ENG: variants seen among roughly 807,000 people sequenced by gnomAD.
ENG encodes the protein endoglin, also known as CD105 antigen.
ENG carries 17 observed loss-of-function variants against 71.0 expected under a neutral mutation model. That is an observed-to-expected ratio of 0.24 (90% CI 0.16 to 0.36). The LOEUF (loss-of-function observed/expected upper bound fraction) is 0.36. Ranked by LOEUF, ENG falls within the 10% of genes least tolerant of loss-of-function variation. The pLI, the probability that ENG is intolerant of heterozygous loss-of-function variation, is 1.00. For synonymous variants in ENG, 360 were observed against 366.9 expected (o/e 0.98, Z 0.21); for missense variants, 749 against 868.3 (o/e 0.86, Z 1.73).
chr9:127,841,680 G>A (rs773415044), intron 2 of ENG, among the ~76,000 whole-genome samples: 15 of 152,178 alleles, frequency 9.9e-5, no homozygotes, highest in Non-Finnish European at 1.6e-4. Flanking sequence ...AGTTTTGGGG[G>A]CAGATTGGCC....
At chr9:127,829,652 G>A (rs1381219682) in intron 3 of ENG, 35 bp downstream of exon 3, 1 of 1,613,156 alleles carries the variant, frequency 6.2e-7, no homozygotes, top group African/African-American at 1.3e-5. Context: ...CCCATGGCCA[G>A]AGCCTCAGCC....
At chr9:127,833,256 TTACGC>T in intron 2 of ENG, among the ~76,000 whole-genome samples, 1 of 152,146 alleles carries the variant, frequency 6.6e-6, no homozygotes, top group Non-Finnish European at 1.5e-5. Context: ...GCGTGGTGGC[TTACGC>T]CTGTAATCCC....
intron 2 of ENG, among the ~76,000 whole-genome samples, chr9:127,834,644 C>CAA (rs1830853305): frequency 6.6e-6 from 1 of 151,486 alleles, no homozygotes; most frequent in South Asian, 2.1e-4. Flanking sequence ...ACCTCATGAT[C>CAA]CCTACGCCTC....
chr9:127,851,503 C>T (rs543761108), intron 1 of ENG, among the ~76,000 whole-genome samples: 1 of 152,046 alleles, frequency 6.6e-6, no homozygotes, highest in African/African-American at 2.4e-5. Context: ...GGATTAGAGG[C>T]GTGAGCCACT....
intron 8 of ENG, among the ~76,000 whole-genome samples, chr9:127,821,947 G>A (rs1392436410): frequency 5.3e-5 from 8 of 151,134 alleles, no homozygotes; most frequent in African/African-American, 1.7e-4. Context: ...CTACTCAGGA[G>A]GCTGAGGCAG....
rs914218873 is a variant in ENG, at chr9:127,815,588, G to C, written c.*94C>G. 1 of 1,499,196 alleles carries C rather than the reference G, an allele frequency of 6.7e-7. No individual in the cohort carries two copies. Among genetic ancestry groups the C allele is most frequent in the South Asian group, 1.3e-5 (1 of 78,630 alleles). 92.9% of individuals were successfully genotyped at this position (1,499,196 alleles called of 1,614,324 possible). ...CGGAGAGCAGGCTCCATTCTGGGTCGAGTGGAGGACTGGCTCCCAGGGTGA... is the reference window on the plus strand; with the variant it reads ...CGGAGAGCAGGCTCCATTCTGGGTCCAGTGGAGGACTGGCTCCCAGGGTGA... On this transcript the variant is annotated 3_prime_UTR_variant, in exon 15 of 15. Transcript: ENST00000373203.
At chr9:127,823,390 C>CTTTT in intron 8 of ENG, among the ~76,000 whole-genome samples, 1 of 143,072 alleles carries the variant, frequency 7.0e-6, no homozygotes, top group Non-Finnish European at 1.5e-5. Context: ...ATTGTATAGG[C>CTTTT]TTTTTTTTTT....
rs1830956818 is a variant in ENG at position 127,838,566 on chromosome 9, G to A, written c.219+4528C>T. ...GCCTGACAGGCTGTGTCTGTTCAGG[G>A]GTGGGTGGGGTCTCAGCTGCCCCAA... On this transcript the variant is annotated intron_variant, in intron 2 of 14. Transcript: ENST00000373203. The surrounding 1 kb of genome is among the most constrained non-coding windows in gnomAD (Gnocchi z 4.3). Among the ~76,000 whole-genome samples, 1 of 152,190 alleles carries A rather than the reference G, an allele frequency of 6.6e-6. No individual in the cohort carries two copies. The highest frequency in any genetic ancestry group is 6.5e-5 in the Admixed American group (1 of 15,282).
In ENG at chr9:127,818,275, C is replaced by G. The variant is rs764626017; in HGVS notation, c.1531G>C (p.Ala511Pro). The G allele has an allele frequency of 6.2e-7, 1 of 1,614,166 alleles. No individual in the cohort carries two copies. Among genetic ancestry groups the G allele is most frequent in the East Asian group, 2.2e-5 (1 of 44,882 alleles). ...AGGCTCACACAGTTGCCCTTGGCCG[C>G]CCGGCCCTGGATGAGTTCCACGGTG... ...GGTVELIQGR[A>P]AKGNCVSLLS... The change falls in exon 12 of 15, where the codon GCG becomes CCG. Residue 511 changes from alanine to proline, a missense_variant. Coordinates refer to ENST00000373203, the MANE Select transcript of ENG (RefSeq NM_001114753.3).
chr9:127,820,226 TCTCA>T (rs1830438586), intron 8 of ENG, among the ~76,000 whole-genome samples, 189 bp from the exon 9 acceptor site: 1 of 152,008 alleles, frequency 6.6e-6, no homozygotes, highest in African/African-American at 2.4e-5. Flanking sequence ...TGAGATGGAG[TCTCA>T]CTCTTTTTGC....
chr9:127,823,534 G>A (rs1279738615), intron 8 of ENG, among the ~76,000 whole-genome samples: 3 of 151,728 alleles, frequency 2.0e-5, no homozygotes, highest in Admixed American at 6.6e-5. Flanking sequence ...GACTACAGGC[G>A]CCTGCCACCA....
intron 2 of ENG, among the ~76,000 whole-genome samples, chr9:127,830,437 G>T (rs141032768): frequency 0.028 from 4,216 of 151,592 alleles, 73 homozygotes; most frequent in Middle Eastern, 0.083. Context: ...GAGGTCAGGA[G>T]TTCGAGACTA....
At chr9:127,825,972 G>A in intron 4 of ENG, 112 bp from the exon 5 acceptor site, 1 of 1,391,654 alleles carries the variant, frequency 7.2e-7, no homozygotes, top group Middle Eastern at 2.3e-4. Flanking sequence ...CGGTGCTGCA[G>A]AGGGGGAGAG....
At chr9:127,823,936 C>T (rs1306849512) in intron 8 of ENG, among the ~76,000 whole-genome samples, 5 of 152,202 alleles carry the variant, frequency 3.3e-5, no homozygotes, top group African/African-American at 9.6e-5. Context: ...CCATCTTGGC[C>T]TCCCAAAGTG....
chr9:127,843,043 G>A, intron 2 of ENG, 51 bp downstream of exon 2: 1 of 1,612,470 alleles, frequency 6.2e-7, no homozygotes. Flanking sequence ...CACCCCATCT[G>A]CCTTGGAGCT....
In ENG at chr9:127,818,828, T is replaced by G. The variant is rs368533266; in HGVS notation, c.1316A>C (p.Lys439Thr). 8.6e-5 allele frequency: 138 copies of G among 1,612,018 alleles called. No individual in the cohort carries two copies. The Middle Eastern group carries it at 1.7e-3, about 19-fold the overall frequency. ...GCTGTCCATGTTGAGGCAGTGCACC[T>G]TTTTCTGGGGGAGGACGGGAGGGAG... ...ILSSSSPQRK[K>T]VHCLNMDSLS... Residue 439 changes from lysine to threonine, a missense_variant, in exon 11 of 15, where the codon AAG becomes ACG. Transcript: ENST00000373203.
At chr9:127,847,895 C>A (rs1427529121) in intron 1 of ENG, among the ~76,000 whole-genome samples, 3 of 152,194 alleles carry the variant, frequency 2.0e-5, no homozygotes, top group African/African-American at 7.2e-5. Flanking sequence ...GGGCTCCCCC[C>A]TGGTTCTACG....
intron 1 of ENG, among the ~76,000 whole-genome samples, chr9:127,853,831 C>T (rs1829087736): frequency 1.3e-5 from 2 of 152,192 alleles, no homozygotes; most frequent in East Asian, 1.9e-4. Context: ...CTCAGAGGCC[C>T]GAAGGCAGTC....
chr9:127,834,727 T>A (rs1274103521), intron 2 of ENG, among the ~76,000 whole-genome samples: 1 of 150,762 alleles, frequency 6.6e-6, no homozygotes, highest in African/African-American at 2.5e-5. Context: ...TTAGTGGAGA[T>A]GGGGTTTCAC....
Sources: gnomAD v4.1 joint callset for allele counts (sites outside exome capture counted in the v4.1 genomes callset) on GRCh38, gnomAD v4.1.1 for gene constraint, Gnocchi (gnomAD v3.1) non-coding constraint, MANE v1.5 for transcripts, NCBI Gene and HGNC (gene_info 2026-07-23, HGNC 2026-07-21) for gene names.